GSG1L: variants seen among roughly 807,000 people sequenced by gnomAD.
GSG1L encodes GSG1 like, also known as germ cell-specific gene 1-like protein.
GSG1L carries 24 observed loss-of-function variants against 42.1 expected under a neutral mutation model. The ratio of observed to expected loss-of-function variants is 0.57; its 90% confidence interval spans 0.41 to 0.80. The LOEUF (loss-of-function observed/expected upper bound fraction) is 0.80, where lower values mean the gene tolerates loss of function less well. Ranked by LOEUF, GSG1L falls within the 30% of genes least tolerant of loss-of-function variation. The pLI, the probability that GSG1L is intolerant of heterozygous loss-of-function variation, is 0.00. For missense variants in GSG1L, 445 were observed against 472.2 expected (o/e 0.94, Z 0.53); for synonymous variants, 215 against 203.5 (o/e 1.06, Z -0.48).
chr16:27,939,895 G>A (rs182352201), intron 2 of GSG1L, among the ~76,000 whole-genome samples: 1 of 152,236 alleles, frequency 6.6e-6, no homozygotes, highest in African/African-American at 2.4e-5. Context: ...TGCCTGGGCT[G>A]GTCTCGAGCT....
At position 28,063,183 on chromosome 16, in the gene GSG1L, G is replaced by A. The variant is rs748369131; in HGVS notation, c.242C>T (p.Pro81Leu). The change falls in exon 1 of 7, where the codon CCC (proline) becomes CTC (leucine). Residue 81 changes from proline to leucine, a missense_variant. By Grantham distance (98) the Pro-to-Leu change is moderately conservative. Transcript: ENST00000447459. The surrounding 1 kb of genome is among the most constrained non-coding windows in gnomAD (Gnocchi z 5.8). The part of the protein sequence containing the change: ...AAAATASGNG[P>L]PGGALYSWET... ...CCAGCTGTAGAGCGCGCCGCCAGGG[G>A]GGCCGTTCCCCGAGGCGGTGGCGGC... The A allele has an allele frequency of 3.8e-6, 5 of 1,323,272 alleles. No homozygotes were observed. The highest frequency in any genetic ancestry group is 3.4e-5 in the East Asian group (1 of 29,818). The allele number at this position is 1,323,272 out of a possible 1,614,324, so 82.0% of individuals were successfully genotyped here.
chr16:27,993,084 C>G (rs2085472656), intron 1 of GSG1L, among the ~76,000 whole-genome samples: 1 of 152,146 alleles, frequency 6.6e-6, no homozygotes, highest in Non-Finnish European at 1.5e-5. Flanking sequence ...AACAGAAGTA[C>G]AGTGAGGTTT....
chr16:27,807,487 G>A lies in GSG1L; in HGVS notation c.898C>T (p.Arg300Ter), dbSNP rs763637151. The change falls in exon 6 of 7, where the codon CGA becomes TGA. Residue 300 changes from arginine to a stop codon, truncating the protein, a stop_gained and splice_region_variant. Coordinates refer to ENST00000447459, the MANE Select transcript of GSG1L (RefSeq NM_001109763.2). LOFTEE classifies it high-confidence loss of function. ...LDCRHERYPARHQPHMADSWP... is the reference protein window; with the variant it reads ...LDCRHERYPA ...AGATACCCACAAACAGGCCACTTACGGGCAGGGTATCTCTCGTGGCGGCAG... is the reference window on the plus strand; with the variant it reads ...AGATACCCACAAACAGGCCACTTACAGGCAGGGTATCTCTCGTGGCGGCAG... 11 of 1,612,188 alleles carry A rather than the reference G, an allele frequency of 6.8e-6. No homozygotes were observed. Among genetic ancestry groups the A allele is most frequent in the South Asian group, 2.2e-5 (2 of 90,968 alleles).
chr16:28,013,530 C>T (rs1006369948), intron 1 of GSG1L, among the ~76,000 whole-genome samples: 5 of 152,144 alleles, frequency 3.3e-5, no homozygotes, highest in Admixed American at 2.0e-4. Flanking sequence ...GTTACTAGAC[C>T]CTGTTGCCCA....
intron 3 of GSG1L, among the ~76,000 whole-genome samples, chr16:27,875,840 C>A (rs1396130964): frequency 2.0e-5 from 3 of 152,144 alleles, no homozygotes; most frequent in Admixed American, 6.5e-5. Context: ...TTTAAATGAG[C>A]CTGGGCTACT....
At chr16:27,979,746 A>G (rs150837695) in intron 1 of GSG1L, among the ~76,000 whole-genome samples, 1,112 of 75,072 alleles carry the variant, frequency 0.015, 59 homozygotes, top group African/African-American at 0.045. Flanking sequence ...AGAAAGAAAG[A>G]AAGGAAAGAA....
At chr16:28,012,195 A>T (rs2085727993) in intron 1 of GSG1L, among the ~76,000 whole-genome samples, 1 of 152,082 alleles carries the variant, frequency 6.6e-6, no homozygotes, top group Admixed American at 6.6e-5. Flanking sequence ...TCCTCCAGGC[A>T]GCCACCCCTC....
chr16:28,017,125 C>T (rs1596704071), intron 1 of GSG1L, among the ~76,000 whole-genome samples: 1 of 152,132 alleles, frequency 6.6e-6, no homozygotes, highest in Non-Finnish European at 1.5e-5. Context: ...TTGGAAACTC[C>T]AAAATCAGTT....
chr16:27,955,840 G>A (rs1409019634), intron 2 of GSG1L, among the ~76,000 whole-genome samples: 1 of 149,264 alleles, frequency 6.7e-6, no homozygotes, highest in Non-Finnish European at 1.5e-5. Flanking sequence ...GATAATCATT[G>A]AGTCAAAATG....
chr16:27,806,029 C>T (rs1459385202), intron 6 of GSG1L, among the ~76,000 whole-genome samples: 3 of 151,996 alleles, frequency 2.0e-5, no homozygotes, highest in Non-Finnish European at 4.4e-5. Context: ...CTGGAATGCA[C>T]CAGGATTCTC....
chr16:27,813,967 G>A (rs2083063290), intron 5 of GSG1L, among the ~76,000 whole-genome samples: 1 of 152,242 alleles, frequency 6.6e-6, no homozygotes, highest in South Asian at 2.1e-4. Flanking sequence ...TTTCACAACA[G>A]TAACGACCGC....
chr16:28,017,538 T>C (rs1438941016), intron 1 of GSG1L, among the ~76,000 whole-genome samples: 1 of 152,164 alleles, frequency 6.6e-6, no homozygotes, highest in Non-Finnish European at 1.5e-5. Context: ...AGCAGACGGG[T>C]TGGTGATGGC....
chr16:27,928,528 A>AGG (rs1314857300), intron 2 of GSG1L, among the ~76,000 whole-genome samples: 10 of 150,932 alleles, frequency 6.6e-5, no homozygotes, highest in Admixed American at 1.3e-4. Flanking sequence ...AAAACAAAAC[A>AGG]AAACAAAACA....
At chr16:27,869,548 C>CA (rs2083777208) in intron 3 of GSG1L, among the ~76,000 whole-genome samples, 1 of 130,934 alleles carries the variant, frequency 7.6e-6, no homozygotes, top group African/African-American at 3.0e-5. Flanking sequence ...CTCTGTCTCC[C>CA]TTCATCTCTC....
intron 4 of GSG1L, among the ~76,000 whole-genome samples, chr16:27,829,950 T>A (rs949899595): frequency 6.6e-6 from 1 of 152,184 alleles, no homozygotes; most frequent in Non-Finnish European, 1.5e-5. Flanking sequence ...CTGCTTGGCT[T>A]TCTCCTCCAC....
At chr16:27,976,837 T>C (rs74015186) in intron 1 of GSG1L, among the ~76,000 whole-genome samples, 5,529 of 152,130 alleles carry the variant, frequency 0.036, 337 homozygotes, top group African/African-American at 0.13. Flanking sequence ...TCCACCCCAC[T>C]CTCCCGTCAT....
chr16:27,799,538 T>G (rs771963361), intron 6 of GSG1L, among the ~76,000 whole-genome samples: 3 of 151,904 alleles, frequency 2.0e-5, no homozygotes, highest in Non-Finnish European at 4.4e-5. Flanking sequence ...GAGCACAACC[T>G]TATCTCAAAA....
At chr16:28,041,239 T>G (rs2086102390) in intron 1 of GSG1L, among the ~76,000 whole-genome samples, 1 of 152,034 alleles carries the variant, frequency 6.6e-6, no homozygotes, top group African/African-American at 2.4e-5. Context: ...TCCCTGGTGC[T>G]CAGGAGTTTG....
At chr16:27,947,022 GC>G (rs371023333) in intron 2 of GSG1L, among the ~76,000 whole-genome samples, 1,546 of 152,304 alleles carry the variant, frequency 0.01, 33 homozygotes, top group African/African-American at 0.035. Flanking sequence ...CACGCCTGAG[GC>G]CCCACCACTA....
Sources: allele counts gnomAD v4.1 joint callset (sites outside exome capture counted in the v4.1 genomes callset), GRCh38; gene constraint gnomAD v4.1.1; non-coding constraint Gnocchi (gnomAD v3.1); transcripts MANE v1.5; gene names NCBI Gene and HGNC (gene_info 2026-07-23, HGNC 2026-07-21).